Variants in SRPK2 observed in about 807,000 individuals in gnomAD.
The protein encoded by SRPK2 is SFRS protein kinase 2.
Under a neutral mutation model 90.8 loss-of-function variants are expected in SRPK2, and 21 were observed. The ratio of observed to expected loss-of-function variants is 0.23; its 90% CI spans 0.16 to 0.33. The LOEUF (loss-of-function observed/expected upper bound fraction) is 0.33. Ranked by LOEUF, SRPK2 falls within the 10% of genes least tolerant of loss-of-function variation. The pLI is 1.00. For synonymous variants in SRPK2, 288 were observed against 311.1 expected, an observed-to-expected ratio of 0.93 and a Z score of 0.78; for missense variants, 620 against 869.0, an observed-to-expected ratio of 0.71 and a Z score of 3.60.
intron 2 of SRPK2, among the ~76,000 whole-genome samples, chr7:105,385,324 G>C (rs1378159880): frequency 6.6e-6 from 1 of 151,286 alleles, no homozygotes; most frequent in Non-Finnish European, 1.5e-5. Flanking sequence ...GAGACTACAG[G>C]CGCCCGCCAC....
intron 2 of SRPK2, among the ~76,000 whole-genome samples, chr7:105,331,327 A>AAAC (rs1814344057): frequency 3.4e-5 from 5 of 149,108 alleles, no homozygotes; most frequent in Admixed American, 2.0e-4. Context: ...AAAAAAAAAA[A>AAAC]AAAAAAAAAA....
At position 105,243,080 on chromosome 7, in the gene SRPK2, T is replaced by C. The variant is rs183676765; in HGVS notation, c.72-39295A>G. ...CAGGCTGGGGTACACTAACTCACCG[T>C]AGACTCCAACTCCTGGCCTCAAGTG... On this transcript the variant is annotated intron_variant, in intron 2 of 15. Transcript: ENST00000393651. 2.0e-4 allele frequency among the ~76,000 whole-genome samples: 31 copies of C among 152,250 alleles called. 2 individuals carry two copies. Among genetic ancestry groups the C allele is most frequent in the African/African-American group, 7.0e-4 (29 of 41,544 alleles).
chr7:105,253,973 T>C (rs1305206139), intron 2 of SRPK2, among the ~76,000 whole-genome samples: 1 of 152,196 alleles, frequency 6.6e-6, no homozygotes, highest in East Asian at 1.9e-4. Flanking sequence ...AGTGAGAGGC[T>C]TGAATCACAT....
chr7:105,309,967 G>A (rs1307200929), intron 2 of SRPK2, among the ~76,000 whole-genome samples: 1 of 152,228 alleles, frequency 6.6e-6, no homozygotes, highest in Non-Finnish European at 1.5e-5. Flanking sequence ...ACTGTGGTCT[G>A]CACAATGACA....
chr7:105,280,851 G>A (rs899414931), intron 2 of SRPK2, among the ~76,000 whole-genome samples: 2 of 147,080 alleles, frequency 1.4e-5, no homozygotes, highest in East Asian at 2.1e-4. Context: ...GGAGGCTGAC[G>A]CAGGAGAATG....
At chr7:105,218,828 A>G (rs967221556) in intron 2 of SRPK2, among the ~76,000 whole-genome samples, 40 of 152,316 alleles carry the variant, frequency 2.6e-4, no homozygotes, top group Middle Eastern at 6.8e-3. Flanking sequence ...AATATGACTG[A>G]TAAATCCTAT....
chr7:105,177,477 TAAAAC>T (rs1792123625), intron 3 of SRPK2, among the ~76,000 whole-genome samples: 3 of 152,084 alleles, frequency 2.0e-5, no homozygotes, highest in South Asian at 4.1e-4. Flanking sequence ...ATTTACAAGA[TAAAAC>T]AAATAGGTAA....
chr7:105,359,976 G>A (rs2132236849), intron 2 of SRPK2, among the ~76,000 whole-genome samples: 1 of 152,100 alleles, frequency 6.6e-6, no homozygotes, highest in South Asian at 2.1e-4. Context: ...TTGACAGTGG[G>A]GTGTTAAAGT....
chr7:105,391,483 G>T (rs962533961), upstream of SRPK2, among the ~76,000 whole-genome samples: 3 of 152,142 alleles, frequency 2.0e-5, no homozygotes, highest in Non-Finnish European at 4.4e-5. Flanking sequence ...GGGATTACAG[G>T]CATGAGCCAC....
chr7:105,167,284 G>C, intron 6 of SRPK2, 93 bp downstream of exon 6: 1 of 980,290 alleles, frequency 1.0e-6, no homozygotes, highest in Non-Finnish European at 1.6e-6. Flanking sequence ...TTATGTTGAA[G>C]GTGATACAGC....
intron 2 of SRPK2, among the ~76,000 whole-genome samples, chr7:105,205,513 T>C (rs1037192770): frequency 1.6e-5 from 1 of 61,174 alleles, no homozygotes; most frequent in African/African-American, 8.0e-5. Flanking sequence ...TCTCTCTCTC[T>C]CTCTCACACA....
At chr7:105,397,810 A>AT (rs928644717) in intron 1 of SRPK2, among the ~76,000 whole-genome samples, 15 of 150,440 alleles carry the variant, frequency 1.0e-4, no homozygotes, top group Admixed American at 2.7e-4. Flanking sequence ...TGCCCTGCTA[A>AT]TTTTTTTTTG....
intron 2 of SRPK2, among the ~76,000 whole-genome samples, chr7:105,341,877 G>C (rs903718550): frequency 5.9e-5 from 9 of 152,140 alleles, no homozygotes; most frequent in African/African-American, 1.9e-4. Context: ...TGAGACAGGA[G>C]AATCGCTGGA....
chr7:105,360,765 G>A (rs1009401725), intron 2 of SRPK2, among the ~76,000 whole-genome samples: 1 of 152,106 alleles, frequency 6.6e-6, no homozygotes, highest in African/African-American at 2.4e-5. Context: ...CCCTTTGTGG[G>A]TAACCCGACA....
At chr7:105,142,633 C>G (rs940979921) in intron 10 of SRPK2, 143 bp from the exon 11 acceptor site, 86 of 1,159,984 alleles carry the variant, frequency 7.4e-5, no homozygotes, top group East Asian at 1.8e-4. Context: ...TGGGGTAAAA[C>G]CTTCAGGTTT....
intron 2 of SRPK2, among the ~76,000 whole-genome samples, chr7:105,290,710 C>CGGTA (rs1808857290): frequency 6.6e-6 from 1 of 152,190 alleles, no homozygotes; most frequent in South Asian, 2.1e-4. Context: ...CACGTCTATA[C>CGGTA]TACCAGCTAT....
chr7:105,321,598 A>G (rs1380715304), intron 2 of SRPK2, among the ~76,000 whole-genome samples: 3 of 152,216 alleles, frequency 2.0e-5, no homozygotes, highest in Non-Finnish European at 4.4e-5. Flanking sequence ...GAATATATAC[A>G]ACAACAAAAA....
At chr7:105,177,798 G>A (rs372512331) in intron 3 of SRPK2, among the ~76,000 whole-genome samples, 7 of 152,068 alleles carry the variant, frequency 4.6e-5, no homozygotes, top group Admixed American at 2.0e-4. Flanking sequence ...CGAGACGGGC[G>A]GATCACAAGA....
intron 2 of SRPK2, among the ~76,000 whole-genome samples, chr7:105,308,710 C>T (rs1481912762): frequency 6.6e-6 from 1 of 152,164 alleles, no homozygotes; most frequent in East Asian, 1.9e-4. Context: ...CTACAGAGAG[C>T]TATGAGACTA....
Sources: gnomAD v4.1 joint callset for allele counts (sites outside exome capture counted in the v4.1 genomes callset) on GRCh38, gnomAD v4.1.1 for gene constraint, MANE v1.5 for transcripts, NCBI Gene and HGNC (gene_info 2026-07-23, HGNC 2026-07-21) for gene names.